FSTL5: variants seen among roughly 807,000 people sequenced by gnomAD.
FSTL5 encodes the protein follistatin like 5, also known as follistatin-related protein 5.
FSTL5 carries 62 observed loss-of-function variants against 89.1 expected under a neutral mutation model. That is an observed-to-expected ratio of 0.70 (90% CI 0.57 to 0.86). The LOEUF (loss-of-function observed/expected upper bound fraction) is 0.86, where lower values mean the gene tolerates loss of function less well. Among genes scored for constraint, FSTL5 ranks in the 40% least tolerant of loss-of-function variants. The probability of loss-of-function intolerance (pLI) is 0.00; values close to 1 mark genes in which losing one functional copy is unlikely to be tolerated. For synonymous variants in FSTL5, 383 were observed against 346.2 expected (o/e 1.11, Z -1.18); for missense variants, 1,057 against 1,001.6 (o/e 1.06, Z -0.75).
At chr4:161,576,319 C>T (rs1388261436) in intron 8 of FSTL5, among the ~76,000 whole-genome samples, 1 of 152,094 alleles carries the variant, frequency 6.6e-6, no homozygotes, top group Non-Finnish European at 1.5e-5. Flanking sequence ...GAAAAAAATA[C>T]TTTAAATTTC....
At chr4:161,689,492 T>G (rs1737857810) in intron 6 of FSTL5, among the ~76,000 whole-genome samples, 1 of 152,176 alleles carries the variant, frequency 6.6e-6, no homozygotes, top group Non-Finnish European at 1.5e-5. Context: ...AAGTAATTTT[T>G]GATATGTGGG....
At chr4:162,053,550 A>C (rs983581347) in intron 2 of FSTL5, among the ~76,000 whole-genome samples, 1 of 151,764 alleles carries the variant, frequency 6.6e-6, no homozygotes, top group Admixed American at 6.6e-5. Flanking sequence ...TCAACAGACT[A>C]TGCTCCCCCA....
chr4:161,875,010 G>C (rs1732396886), intron 4 of FSTL5, among the ~76,000 whole-genome samples: 1 of 151,964 alleles, frequency 6.6e-6, no homozygotes, highest in East Asian at 1.9e-4. Context: ...TACAACTTTT[G>C]TTCTTTCATC....
Position 161,688,209 on chromosome 4 carries a change from G to A in FSTL5, c.728-31715C>T, listed in dbSNP as rs778891152. Among the ~76,000 whole-genome samples the A allele has an allele frequency of 5.3e-5, 8 of 152,030 alleles. No individual in the cohort carries two copies. The East Asian group carries it at 5.8e-4, about 11-fold the overall frequency. The stretch of plus-strand genomic sequence containing the variant: ...GTGATCCTGCCACCTCAGCCTCTGC[G>A]GTAGCTGGGACTACAGGTGAGCGCC... On this transcript the variant is annotated intron_variant, in intron 6 of 15. Coordinates refer to ENST00000306100, the MANE Select transcript of FSTL5 (RefSeq NM_020116.5).
intron 7 of FSTL5, among the ~76,000 whole-genome samples, chr4:161,638,658 A>G (rs1243723359): frequency 4.3e-5 from 6 of 138,652 alleles, no homozygotes; most frequent in Non-Finnish European, 9.2e-5. Flanking sequence ...TGAGGCCAGC[A>G]TCATTCTGAT....
At chr4:162,046,854 A>T (rs1446169063) in intron 2 of FSTL5, among the ~76,000 whole-genome samples, 1 of 152,136 alleles carries the variant, frequency 6.6e-6, no homozygotes, top group Non-Finnish European at 1.5e-5. Context: ...CCCTTAATAG[A>T]TTTGGGTTTC....
At chr4:161,846,974 A>T (rs996364804) in intron 4 of FSTL5, among the ~76,000 whole-genome samples, 7 of 152,164 alleles carry the variant, frequency 4.6e-5, no homozygotes, top group African/African-American at 1.7e-4. Context: ...ACCACATGTG[A>T]TGTTCTAATA....
At chr4:161,393,684 A>C (rs1389156203) in intron 15 of FSTL5, among the ~76,000 whole-genome samples, 1 of 152,212 alleles carries the variant, frequency 6.6e-6, no homozygotes, top group Non-Finnish European at 1.5e-5. Context: ...TCAACTGACC[A>C]CAAGGGTAAT....
intron 4 of FSTL5, among the ~76,000 whole-genome samples, chr4:161,827,879 G>A (rs359129): frequency 0.96 from 146,304 of 152,180 alleles, 70,510 homozygotes; most frequent in Non-Finnish European, 1. Flanking sequence ...CTGTGAAGCA[G>A]GTATGGTTTT....
rs530385330 is a variant in FSTL5 at position 162,135,533 on chromosome 4, T to C, written c.-16-24121A>G. Among the ~76,000 whole-genome samples, 12 of 152,202 alleles carry C rather than the reference T, an allele frequency of 7.9e-5. No individual in the cohort carries two copies. In the South Asian group the frequency reaches 2.5e-3, roughly 32 times the overall value. ...TGCCTTACCATTCAATCAATTTCAA[T>C]ATGGCTTATTCCACCTCTGCTCCAT... On this transcript the variant is annotated intron_variant, in intron 1 of 15. Coordinates refer to ENST00000306100, the MANE Select transcript of FSTL5 (RefSeq NM_020116.5).
intron 4 of FSTL5, among the ~76,000 whole-genome samples, chr4:161,780,997 A>T (rs1191154870): frequency 6.6e-6 from 1 of 152,178 alleles, no homozygotes; most frequent in Non-Finnish European, 1.5e-5. Context: ...ATAGAATTTG[A>T]TTAGTTTGAT....
intron 6 of FSTL5, among the ~76,000 whole-genome samples, chr4:161,720,171 C>A (rs1739141748): frequency 7.7e-6 from 1 of 129,624 alleles, no homozygotes; most frequent in Non-Finnish European, 1.7e-5. Flanking sequence ...TGTTAATATC[C>A]AAAATATATA....
At chr4:161,970,766 T>C (rs1014213485) in intron 3 of FSTL5, among the ~76,000 whole-genome samples, 1 of 152,100 alleles carries the variant, frequency 6.6e-6, no homozygotes, top group African/African-American at 2.4e-5. Flanking sequence ...AAAATCCCTA[T>C]GGGAAAGTAC....
chr4:161,457,058 C>T (rs1733378466), intron 14 of FSTL5, among the ~76,000 whole-genome samples: 1 of 152,106 alleles, frequency 6.6e-6, no homozygotes, highest in Admixed American at 6.6e-5. Flanking sequence ...TTAGGCTCTC[C>T]ACGTGACCCA....
chr4:161,695,240 A>G lies in FSTL5; in HGVS notation c.728-38746T>C, dbSNP rs1481693327. Among the ~76,000 whole-genome samples, 9 of 151,824 alleles carry G rather than the reference A, an allele frequency of 5.9e-5. 1 individual carries two copies. Among genetic ancestry groups the G allele is most frequent in the Admixed American group, 5.9e-4 (9 of 15,204 alleles). ...CCTTTCCCCCGAGTCCCCAAAGTCC[A>G]TTGTGTCATTCTTATGCCTTTGCAT... On this transcript the variant is annotated intron_variant, in intron 6 of 15. Coordinates refer to ENST00000306100, the MANE Select transcript of FSTL5 (RefSeq NM_020116.5).
At chr4:162,054,492 A>T (rs1738476248) in intron 2 of FSTL5, among the ~76,000 whole-genome samples, 1 of 151,906 alleles carries the variant, frequency 6.6e-6, no homozygotes, top group Non-Finnish European at 1.5e-5. Context: ...GAATGACATT[A>T]CCACTATTTG....
At chr4:162,080,951 T>A (rs578014712) in intron 2 of FSTL5, among the ~76,000 whole-genome samples, 1 of 151,778 alleles carries the variant, frequency 6.6e-6, no homozygotes, top group African/African-American at 2.4e-5. Flanking sequence ...CTGCGTTGGT[T>A]TAAAAAGTAT....
chr4:161,805,138 T>G (rs1579104988), intron 4 of FSTL5, among the ~76,000 whole-genome samples: 1 of 152,096 alleles, frequency 6.6e-6, no homozygotes, highest in South Asian at 2.1e-4. Flanking sequence ...TACCTTCCAA[T>G]GTCAATAGCT....
intron 2 of FSTL5, among the ~76,000 whole-genome samples, chr4:162,104,016 C>A (rs534057424): frequency 1.2e-4 from 19 of 152,326 alleles, no homozygotes; most frequent in Non-Finnish European, 2.2e-4. Context: ...AATCTTGCAA[C>A]TGCACTCTTC....
Sources: gnomAD v4.1 joint callset for allele counts (sites outside exome capture counted in the v4.1 genomes callset) on GRCh38, gnomAD v4.1.1 for gene constraint, MANE v1.5 for transcripts, NCBI Gene and HGNC (gene_info 2026-07-23, HGNC 2026-07-21) for gene names.